ABCA13: variants seen among roughly 807,000 people sequenced by gnomAD.
ABCA13 encodes the protein ATP-binding cassette sub-family A member 13.
In ABCA13, 476 loss-of-function variants were observed where a neutral mutation model predicts 478.7. The ratio of observed to expected loss-of-function variants is 0.99; its 90% CI spans 0.92 to 1.07. ABCA13 has a LOEUF of 1.07. ABCA13 is among the 50% of genes least tolerant of loss of function. The probability of loss-of-function intolerance (pLI) is 0.00; values close to 1 mark genes in which losing one functional copy is unlikely to be tolerated. For synonymous variants in ABCA13, 2,252 were observed against 2,158.9 expected, an observed-to-expected ratio of 1.04 and a Z score of -1.20; for missense variants, 6,060 against 5,910.6, an observed-to-expected ratio of 1.03 and a Z score of -0.83.
At chr7:48,483,670 G>A (rs1829006242) in intron 47 of ABCA13, among the ~76,000 whole-genome samples, 1 of 152,214 alleles carries the variant, frequency 6.6e-6, no homozygotes, top group Admixed American at 6.5e-5. Flanking sequence ...CTAGGTGGGA[G>A]ATTCTTCAGC....
chr7:48,293,835 TG>T (rs1011932574), intron 20 of ABCA13, among the ~76,000 whole-genome samples: 43 of 152,050 alleles, frequency 2.8e-4, no homozygotes, highest in Middle Eastern at 6.9e-3. Context: ...ATCTTAGAGG[TG>T]GGGGTTAGAG....
At chr7:48,401,414 C>T (rs898543333) in intron 38 of ABCA13, among the ~76,000 whole-genome samples, 1 of 152,158 alleles carries the variant, frequency 6.6e-6, no homozygotes, top group Non-Finnish European at 1.5e-5. Context: ...TTAAGTTGGA[C>T]CTCTCCAAGA....
At chr7:48,571,063 A>C (rs1787598512) in intron 55 of ABCA13, among the ~76,000 whole-genome samples, 1 of 152,182 alleles carries the variant, frequency 6.6e-6, no homozygotes, top group Non-Finnish European at 1.5e-5. Flanking sequence ...TAATTTCAAT[A>C]GTTTATAAAA....
chr7:48,351,911 CT>C (rs1219609005), intron 30 of ABCA13, among the ~76,000 whole-genome samples: 1 of 152,188 alleles, frequency 6.6e-6, no homozygotes, highest in African/African-American at 2.4e-5. Context: ...CAAATAATTT[CT>C]TTGTGTTGAT....
chr7:48,645,351 T>C (rs1795376488), intron 61 of ABCA13, 66 bp from the exon 62 acceptor site: 7 of 1,314,676 alleles, frequency 5.3e-6, no homozygotes, highest in Non-Finnish European at 7.4e-6. Context: ...AATGTCTCCT[T>C]TCTAATAAGT....
intron 43 of ABCA13, among the ~76,000 whole-genome samples, chr7:48,460,022 C>T (rs529675212): frequency 9.2e-5 from 14 of 151,950 alleles, no homozygotes; most frequent in Non-Finnish European, 2.1e-4. Context: ...TTGTTCCTAC[C>T]CCCAAACTCT....
chr7:48,363,599 T>C (rs767660055), intron 31 of ABCA13, among the ~76,000 whole-genome samples: 3 of 152,290 alleles, frequency 2.0e-5, no homozygotes, highest in South Asian at 2.1e-4. Flanking sequence ...TTCTAATCAA[T>C]AGATTTTTAC....
chr7:48,502,999 C>T (rs1201523259), intron 48 of ABCA13, among the ~76,000 whole-genome samples: 1 of 152,150 alleles, frequency 6.6e-6, no homozygotes, highest in Non-Finnish European at 1.5e-5. Flanking sequence ...AATTTCTCAG[C>T]AAATGTTTAG....
intron 57 of ABCA13, among the ~76,000 whole-genome samples, chr7:48,589,252 GA>G (rs1303058517): frequency 2.0e-5 from 3 of 152,154 alleles, no homozygotes; most frequent in Non-Finnish European, 4.4e-5. Context: ...CTAAATAAAT[GA>G]AGCCTTTTTC....
chr7:48,256,390 A>G (rs1793389059), intron 15 of ABCA13, among the ~76,000 whole-genome samples: 5 of 151,986 alleles, frequency 3.3e-5, no homozygotes. Context: ...GTGCAGAATG[A>G]TATTGCCTAG....
At chr7:48,510,317 G>A (rs1831561798) in intron 50 of ABCA13, among the ~76,000 whole-genome samples, 3 of 152,196 alleles carry the variant, frequency 2.0e-5, no homozygotes, top group Admixed American at 6.5e-5. Context: ...CATGGATGAC[G>A]TGCAGGAAGA....
chr7:48,587,143 C>G lies in ABCA13; in HGVS notation c.14506-11C>G. 6.2e-7 allele frequency: 1 copy of G among 1,612,946 alleles called. No individual in the cohort carries two copies. The highest frequency in any genetic ancestry group is 8.5e-7 in the Non-Finnish European group (1 of 1,179,504). On this transcript the variant is annotated splice_polypyrimidine_tract_variant and intron_variant, in intron 56 of 61. Transcript: ENST00000435803. ...AATGCTGGTGTGCACATGGACATGC[C>G]TCTCTTCCAGGTTGCTGGAGACCTC... is the stretch of plus-strand genomic sequence containing the variant.
intron 40 of ABCA13, 109 bp downstream of exon 40, chr7:48,410,786 GCACAATGGCC>G: frequency 7.0e-7 from 1 of 1,434,146 alleles, no homozygotes; most frequent in Non-Finnish European, 9.5e-7. Context: ...GGCCTTCTGT[GCACAATGGCC>G]CACATGCCAA....
At chr7:48,530,318 A>ATATATATACACATATACATATATAGATG (rs1334141050) in intron 55 of ABCA13, among the ~76,000 whole-genome samples, 3 of 151,652 alleles carry the variant, frequency 2.0e-5, no homozygotes, top group East Asian at 1.9e-4. Flanking sequence ...ATATATATGT[A>ATATATATACACATATACATATATAGATG]TATATATACA....
At chr7:48,597,052 C>T (rs1312780835) in intron 58 of ABCA13, among the ~76,000 whole-genome samples, 1 of 151,510 alleles carries the variant, frequency 6.6e-6, no homozygotes, top group Non-Finnish European at 1.5e-5. Context: ...CCTGGGTTCA[C>T]GCCATTCTCC....
At chr7:48,204,514 C>T (rs1665787062) in intron 3 of ABCA13, among the ~76,000 whole-genome samples, 1 of 152,064 alleles carries the variant, frequency 6.6e-6, no homozygotes, top group African/African-American at 2.4e-5. Context: ...CCCGGCCTAT[C>T]CTTGTTTCTT....
chr7:48,199,791 C>A (rs937777481), intron 3 of ABCA13, among the ~76,000 whole-genome samples: 1 of 152,124 alleles, frequency 6.6e-6, no homozygotes, highest in Non-Finnish European at 1.5e-5. Context: ...TATTTCAAGT[C>A]TTTCTTATGT....
intron 38 of ABCA13, among the ~76,000 whole-genome samples, chr7:48,395,246 G>A (rs1816681506): frequency 6.6e-6 from 1 of 152,236 alleles, no homozygotes; most frequent in Admixed American, 6.5e-5. Flanking sequence ...TGCAGGTGGA[G>A]GATGGGGTGG....
At chr7:48,346,958 G>C (rs1220011136) in intron 29 of ABCA13, among the ~76,000 whole-genome samples, 1 of 152,142 alleles carries the variant, frequency 6.6e-6, no homozygotes, top group Non-Finnish European at 1.5e-5. Context: ...AGTGGGTCTT[G>C]CTTTTTGATG....
Sources: allele counts gnomAD v4.1 joint callset (sites outside exome capture counted in the v4.1 genomes callset), GRCh38; gene constraint gnomAD v4.1.1; transcripts MANE v1.5; gene names NCBI Gene and HGNC (gene_info 2026-07-23, HGNC 2026-07-21).